Variants in SSBP1 observed in about 807,000 individuals in gnomAD.
SSBP1 encodes the protein single-stranded DNA-binding protein, mitochondrial.
Under a neutral mutation model 27.0 loss-of-function variants are expected in SSBP1, and 20 were observed. That is an observed-to-expected ratio of 0.74 (90% confidence interval 0.52 to 1.08). SSBP1 has a LOEUF of 1.08. Ranked by LOEUF, SSBP1 falls within the 50% of genes least tolerant of loss-of-function variation. The probability of loss-of-function intolerance (pLI) is 0.00; values close to 1 mark genes in which losing one functional copy is unlikely to be tolerated. For missense variants in SSBP1, 137 were observed against 182.4 expected (o/e 0.75, Z 1.44); for synonymous variants, 59 against 59.3 (o/e 1.00, Z 0.02).
chr7:141,750,177 G>C (rs1004337311), intron 6 of SSBP1, 134 bp from the exon 7 acceptor site: 2 of 685,954 alleles, frequency 2.9e-6, no homozygotes, highest in South Asian at 3.6e-5. Flanking sequence ...CATAGCAAGT[G>C]ATTTAATATT....
chr7:141,742,765 C>A (rs1274031633), intron 3 of SSBP1, among the ~76,000 whole-genome samples: 2 of 152,224 alleles, frequency 1.3e-5, no homozygotes, highest in African/African-American at 4.8e-5. Context: ...ATTTTCTGAT[C>A]TTCCAGAACT....
chr7:141,748,865 C>T (rs1212456356), intron 6 of SSBP1, among the ~76,000 whole-genome samples: 1 of 152,154 alleles, frequency 6.6e-6, no homozygotes, highest in Non-Finnish European at 1.5e-5. Context: ...GCACTCTTGG[C>T]TTTTTCCACA....
At chr7:141,745,800 C>G in intron 6 of SSBP1, 3 of 1,297,694 alleles carry the variant, frequency 2.3e-6, no homozygotes, top group Non-Finnish European at 2.0e-6. Context: ...CAGTTTTAGT[C>G]ACAAGTAACT....
intron 6 of SSBP1, chr7:141,746,016 AT>A (rs921816350): frequency 2.6e-5 from 25 of 972,944 alleles, no homozygotes; most frequent in Non-Finnish European, 3.1e-5. Flanking sequence ...TGAAATTAAG[AT>A]TTTTTTAATT....
At chr7:141,747,601 G>A (rs1799831619) in intron 6 of SSBP1, among the ~76,000 whole-genome samples, 1 of 151,656 alleles carries the variant, frequency 6.6e-6, no homozygotes, top group African/African-American at 2.4e-5. Flanking sequence ...TATTGGCCAG[G>A]CTGGTCTCGA....
intron 2 of SSBP1, chr7:141,741,090 C>A (rs1181738213): frequency 6.6e-6 from 1 of 152,056 alleles, no homozygotes; most frequent in Non-Finnish European, 1.5e-5. Context: ...ACCAGCAGAC[C>A]CCAACCTTTT....
chr7:141,742,184 G>A lies in SSBP1; in HGVS notation c.40G>A (p.Val14Ile). ...TCTTCTTTAGGTACTTCGTCAGTTT[G>A]TAAGACATGAGTCCGAAACAACTAC... ...RPVLQVLRQFVRHESETTTSL... is the reference protein window; with the variant it reads ...RPVLQVLRQFIRHESETTTSL... Residue 14 changes from valine to isoleucine, a missense_variant, in exon 3 of 7, where the codon GTA (valine) becomes ATA (isoleucine). Val to Ile is a conservative substitution (Grantham distance 29). This residue lies in a region of SSBP1 where 42 missense variants were observed against 30.4 expected (regional missense o/e 1.38). Transcript: ENST00000265304. 1 of 1,600,928 alleles carries A rather than the reference G, an allele frequency of 6.2e-7. No homozygotes were observed. Among genetic ancestry groups the A allele is most frequent in the South Asian group, 1.1e-5 (1 of 90,206 alleles).
chr7:141,744,055 T>C (rs555245114), intron 5 of SSBP1, 66 bp downstream of exon 5: 6 of 1,400,888 alleles, frequency 4.3e-6, no homozygotes, highest in Non-Finnish European at 5.9e-6. Flanking sequence ...AGTGTTCTCA[T>C]GGCAAGGAGT....
At chr7:141,750,225 TA>T in intron 6 of SSBP1, 85 bp from the exon 7 acceptor site, 1 of 976,986 alleles carries the variant, frequency 1.0e-6, no homozygotes, top group Non-Finnish European at 1.5e-6. Context: ...TGAACAGCAC[TA>T]AAGTTATATG....
At chr7:141,741,371 C>T (rs1316839933) in intron 2 of SSBP1, 1 of 152,274 alleles carries the variant, frequency 6.6e-6, no homozygotes, top group Non-Finnish European at 1.5e-5. Context: ...GCTGTGCAGC[C>T]AGGTTCCTAA....
chr7:141,746,877 A>G (rs1261474636), intron 6 of SSBP1, among the ~76,000 whole-genome samples: 2 of 152,236 alleles, frequency 1.3e-5, no homozygotes, highest in Non-Finnish European at 2.9e-5. Context: ...ATAGCATAGC[A>G]ATGTGATACC....
chr7:141,743,243 A>C (rs1799632032), intron 3 of SSBP1, among the ~76,000 whole-genome samples: 1 of 152,194 alleles, frequency 6.6e-6, no homozygotes, highest in African/African-American at 2.4e-5. Flanking sequence ...TATTTCTCAC[A>C]GTTCTAGAGG....
chr7:141,742,067 A>G (rs1031769242), intron 2 of SSBP1, 102 bp from the exon 3 acceptor site: 7 of 855,914 alleles, frequency 8.2e-6, no homozygotes, highest in Non-Finnish European at 1.3e-5. Flanking sequence ...TGGAATTTTC[A>G]GGAACTACTG....
intron 3 of SSBP1, among the ~76,000 whole-genome samples, chr7:141,742,576 A>T (rs1399205727): frequency 2.0e-5 from 3 of 152,208 alleles, no homozygotes; most frequent in African/African-American, 7.2e-5. Flanking sequence ...TGTGTTTATA[A>T]AGATTTTCAG....
intron 6 of SSBP1, among the ~76,000 whole-genome samples, chr7:141,747,114 C>T (rs1799816643): frequency 6.6e-6 from 1 of 152,024 alleles, no homozygotes; most frequent in South Asian, 2.1e-4. Flanking sequence ...ATTGACTTAT[C>T]ATTAAAGTTG....
chr7:141,743,551 T>C lies in SSBP1; in HGVS notation c.86-10T>C. The C allele has an allele frequency of 6.2e-7, 1 of 1,613,378 alleles. No homozygotes were observed. Among genetic ancestry groups the C allele is most frequent in the Non-Finnish European group, 8.5e-7 (1 of 1,179,606 alleles). On this transcript the variant is annotated splice_polypyrimidine_tract_variant and intron_variant, in intron 3 of 6. Transcript: ENST00000265304. ...AGGTTGTCTCATTTGGTCTTGATGTTGTGTTTCAGCCCTGAATCGTGTGCA... is the reference window on the plus strand; with the variant it reads ...AGGTTGTCTCATTTGGTCTTGATGTCGTGTTTCAGCCCTGAATCGTGTGCA...
intron 2 of SSBP1, chr7:141,741,532 TATTAA>T (rs1430155026): frequency 1.3e-5 from 2 of 152,278 alleles, no homozygotes; most frequent in African/African-American, 4.8e-5. Flanking sequence ...TGAATCTACT[TATTAA>T]ATTATTAATT....
intron 6 of SSBP1, among the ~76,000 whole-genome samples, chr7:141,746,825 A>G (rs766113749): frequency 1.2e-4 from 18 of 152,358 alleles, no homozygotes; most frequent in South Asian, 2.1e-4. Flanking sequence ...ATTTTTTTCA[A>G]TACAAAATTG....
At chr7:141,739,851 TC>T (rs1799457954) in intron 2 of SSBP1, 1 of 152,208 alleles carries the variant, frequency 6.6e-6, no homozygotes, top group Admixed American at 6.5e-5. Context: ...CCCACCTTAA[TC>T]CTATATTCTT....
Sources: allele counts gnomAD v4.1 joint callset (sites outside exome capture counted in the v4.1 genomes callset), GRCh38; gene constraint gnomAD v4.1.1; regional missense constraint gnomAD v4.1.1; transcripts MANE v1.5; gene names NCBI Gene and HGNC (gene_info 2026-07-23, HGNC 2026-07-21).